RYR2: variants seen among roughly 807,000 people sequenced by gnomAD.
RYR2 encodes cardiac muscle ryanodine receptor-calcium release channel.
A neutral mutation model predicts 601.1 loss-of-function variants in RYR2; 227 were observed. The ratio of observed to expected loss-of-function variants is 0.38; its 90% confidence interval spans 0.34 to 0.42. The LOEUF is 0.42. Ranked by LOEUF, RYR2 falls within the 10% of genes least tolerant of loss-of-function variation. The pLI is 1.00. For synonymous variants in RYR2, 2,223 were observed against 2,175.1 expected (o/e 1.02, Z -0.61); for missense variants, 4,646 against 6,156.5 (o/e 0.75, Z 8.21).
chr1:237,389,978 A>T (rs934722258), intron 10 of RYR2, among the ~76,000 whole-genome samples: 4 of 152,176 alleles, frequency 2.6e-5, no homozygotes, highest in African/African-American at 9.7e-5. Flanking sequence ...GAATAGCCTA[A>T]TCAGGCAGGG....
intron 15 of RYR2, among the ~76,000 whole-genome samples, chr1:237,455,569 A>G (rs969942879): frequency 3.9e-5 from 6 of 152,184 alleles, no homozygotes; most frequent in African/African-American, 1.4e-4. Context: ...CCAAAGCCTA[A>G]AATAAAAGTT....
chr1:237,310,231 G>A (rs1319796917), intron 2 of RYR2, among the ~76,000 whole-genome samples: 2 of 152,182 alleles, frequency 1.3e-5, no homozygotes, highest in African/African-American at 4.8e-5. Context: ...GATGACTACT[G>A]TAGGTATTAT....
intron 1 of RYR2, among the ~76,000 whole-genome samples, chr1:237,105,603 G>A (rs904752581): frequency 1.3e-5 from 2 of 151,966 alleles, no homozygotes; most frequent in African/African-American, 4.8e-5. Flanking sequence ...AGGCTGAGAC[G>A]GACAGATCAC....
chr1:237,520,396 A>G (rs1344149645), intron 24 of RYR2, among the ~76,000 whole-genome samples: 1 of 152,190 alleles, frequency 6.6e-6, no homozygotes, highest in Admixed American at 6.5e-5. Flanking sequence ...TCTTACAGGG[A>G]AAGTTTTCAA....
At chr1:237,175,006 G>A (rs1321636973) in intron 1 of RYR2, among the ~76,000 whole-genome samples, 1 of 152,154 alleles carries the variant, frequency 6.6e-6, no homozygotes, top group East Asian at 1.9e-4. Context: ...GTTATTATGA[G>A]TCAACCTTTA....
chr1:237,692,457 C>G (rs547761639), intron 63 of RYR2, among the ~76,000 whole-genome samples: 1 of 152,302 alleles, frequency 6.6e-6, no homozygotes, highest in African/African-American at 2.4e-5. Context: ...TATTCAGTGG[C>G]TTCCCATGCC....
At chr1:237,775,839 C>A (rs113206773) in intron 87 of RYR2, among the ~76,000 whole-genome samples, 9 of 152,134 alleles carry the variant, frequency 5.9e-5, no homozygotes, top group Non-Finnish European at 1.3e-4. Context: ...GAAAGCAAGG[C>A]ACCAGACTAG....
intron 1 of RYR2, among the ~76,000 whole-genome samples, chr1:237,192,026 T>G (rs1204751846): frequency 6.6e-6 from 1 of 152,094 alleles, no homozygotes; most frequent in Non-Finnish European, 1.5e-5. Flanking sequence ...GTAGGTGAAG[T>G]AGGCAGAACA....
chr1:237,609,934 G>T (rs1401526464), intron 35 of RYR2, among the ~76,000 whole-genome samples: 2 of 142,218 alleles, frequency 1.4e-5, no homozygotes, highest in African/African-American at 6.1e-5. Context: ...ACCAGTACTT[G>T]GTTTTTCCCC....
intron 1 of RYR2, among the ~76,000 whole-genome samples, chr1:237,169,848 G>C (rs1402313768): frequency 7.8e-6 from 1 of 128,134 alleles, no homozygotes; most frequent in African/African-American, 2.5e-5. Flanking sequence ...CTAAGCATGT[G>C]GATCTCCTAT....
At position 237,801,516 on chromosome 1, in the gene RYR2, T is replaced by TG. The variant is rs1259306050; in HGVS notation, c.14091-337dup. On this transcript the variant is annotated intron_variant, in intron 97 of 104. Transcript: ENST00000366574. Reference sequence around the variant, plus strand: ...AAGATTGCACCATTGCATTCTAGTCTGGGTGAATGAGTGCAACTCTGTCTC... The same window carrying TG: ...AAGATTGCACCATTGCATTCTAGTCTGGGGTGAATGAGTGCAACTCTGTCTC... 6.1e-5 allele frequency among the ~76,000 whole-genome samples: 9 copies of TG among 146,942 alleles called. No homozygotes were observed. The East Asian group carries it at 1.8e-3, about 29-fold the overall frequency.
intron 25 of RYR2, among the ~76,000 whole-genome samples, chr1:237,546,993 A>ATATATATATATATATATATTTATT (rs746133377): frequency 4.7e-5 from 6 of 127,396 alleles, no homozygotes; most frequent in South Asian, 2.6e-4. Context: ...ATATATATAT[A>ATATATATATATATATATATTTATT]TATTTATTTA....
chr1:237,170,123 A>G (rs142561689), intron 1 of RYR2, among the ~76,000 whole-genome samples: 23 of 152,384 alleles, frequency 1.5e-4, no homozygotes, highest in African/African-American at 4.8e-4. Context: ...TTGTAAAGAA[A>G]AAAAAGAAAA....
In RYR2 at chr1:237,833,639, G is replaced by GTGA. The variant is rs1664067956; in HGVS notation, c.*994_*996dup. The GTGA allele has an allele frequency of 6.6e-6, 1 of 152,554 alleles. No homozygotes were observed. The allele number at this position is 152,554 out of a possible 1,614,324, so 9.5% of individuals were successfully genotyped here. ...GGAGCCAGTGTCATCCACCAACAATGTGATACAATATGAACTTGACAGTAG... is the reference window on the plus strand; with the variant it reads ...GGAGCCAGTGTCATCCACCAACAATGTGATGATACAATATGAACTTGACAGTAG... On this transcript the variant is annotated 3_prime_UTR_variant, in exon 105 of 105. Transcript: ENST00000366574.
intron 1 of RYR2, among the ~76,000 whole-genome samples, chr1:237,222,835 G>A (rs1683967649): frequency 6.6e-6 from 1 of 152,162 alleles, no homozygotes; most frequent in African/African-American, 2.4e-5. Context: ...GGAGGCTGAT[G>A]TGGGAGGATT....
chr1:237,118,060 A>G (rs1338212387), intron 1 of RYR2, among the ~76,000 whole-genome samples: 1 of 152,184 alleles, frequency 6.6e-6, no homozygotes, highest in African/African-American at 2.4e-5. Context: ...GTTTCAATCA[A>G]TTTTCAATTT....
At chr1:237,536,041 C>T (rs1668577896) in intron 25 of RYR2, among the ~76,000 whole-genome samples, 1 of 151,872 alleles carries the variant, frequency 6.6e-6, no homozygotes, top group Admixed American at 6.6e-5. Flanking sequence ...TTGATGTATT[C>T]AATAAGGCCA....
At chr1:237,288,719 C>CT (rs1437348943) in intron 2 of RYR2, among the ~76,000 whole-genome samples, 5 of 152,108 alleles carry the variant, frequency 3.3e-5, no homozygotes, top group African/African-American at 1.2e-4. Flanking sequence ...GGTTTGAACA[C>CT]TTACCCCAGG....
chr1:237,570,059 A>G (rs1003780510), intron 29 of RYR2, among the ~76,000 whole-genome samples: 2 of 151,968 alleles, frequency 1.3e-5, no homozygotes, highest in Admixed American at 1.3e-4. Flanking sequence ...CTACTAAAAA[A>G]TACAAAAAAT....
Sources: allele counts gnomAD v4.1 joint callset (sites outside exome capture counted in the v4.1 genomes callset), GRCh38; gene constraint gnomAD v4.1.1; transcripts MANE v1.5; gene names NCBI Gene and HGNC (gene_info 2026-07-23, HGNC 2026-07-21).